SLC2A12: variants seen among roughly 807,000 people sequenced by gnomAD.
SLC2A12 encodes the protein solute carrier family 2, facilitated glucose transporter member 12.
SLC2A12 carries 23 observed loss-of-function variants against 41.8 expected under a neutral mutation model. The observed-to-expected ratio is 0.55, with a 90% CI of 0.40 to 0.78. The LOEUF is 0.78. Ranked by LOEUF, SLC2A12 falls within the 30% of genes least tolerant of loss-of-function variation. The pLI, the probability that SLC2A12 is intolerant of heterozygous loss-of-function variation, is 0.00. For missense variants in SLC2A12, 654 were observed against 745.6 expected (o/e 0.88, Z 1.43); for synonymous variants, 295 against 285.9 (o/e 1.03, Z -0.32).
intron 4 of SLC2A12, among the ~76,000 whole-genome samples, chr6:133,994,176 A>C (rs1193976041): frequency 1.3e-5 from 2 of 152,160 alleles, no homozygotes; most frequent in Non-Finnish European, 2.9e-5. Context: ...CTGAATGTGG[A>C]GTATGTGAGA....
At position 133,987,684 on chromosome 6, in the gene SLC2A12, G is replaced by A. The variant is rs1421046118; in HGVS notation, c.*3471C>T. On this transcript the variant is annotated 3_prime_UTR_variant, in exon 5 of 5. Transcript: ENST00000275230. ...TATATATATGCACCACATGTGTATA[G>A]TATCTTTTAATGCTCTGTTACCAAA... 1 of 141,056 alleles carries A rather than the reference G, an allele frequency of 7.1e-6. No homozygotes were observed. Among genetic ancestry groups the A allele is most frequent in the African/African-American group, 2.6e-5 (1 of 37,994 alleles). 8.7% of individuals were successfully genotyped at this position (141,056 alleles called of 1,614,324 possible).
chr6:134,006,234 A>T (rs966741294), intron 3 of SLC2A12, among the ~76,000 whole-genome samples: 4 of 151,414 alleles, frequency 2.6e-5, no homozygotes, highest in Non-Finnish European at 5.9e-5. Flanking sequence ...ACGTGACATG[A>T]CTATAATCAA....
At chr6:134,025,846 C>T (rs1284482982) in intron 2 of SLC2A12, among the ~76,000 whole-genome samples, 2 of 152,340 alleles carry the variant, frequency 1.3e-5, no homozygotes, top group Non-Finnish European at 1.5e-5. Flanking sequence ...CACTCCCAGC[C>T]TCCAGTAATT....
chr6:134,034,501 T>C lies in SLC2A12; in HGVS notation c.104-4780A>G, dbSNP rs147719258. On this transcript the variant is annotated intron_variant, in intron 1 of 4. Transcript: ENST00000275230. ...TGACTCTGATACTTCAAGACTTCCA[T>C]CACAGGAAGTTTTCCTGGTGCTACT... Among the ~76,000 whole-genome samples, 383 of 152,318 alleles carry C rather than the reference T, an allele frequency of 2.5e-3. 3 individuals are homozygous for C. Among genetic ancestry groups the C allele is most frequent in the African/African-American group, 7.0e-3 (292 of 41,580 alleles).
intron 1 of SLC2A12, among the ~76,000 whole-genome samples, chr6:134,044,608 G>A (rs538217190): frequency 4.3e-4 from 65 of 151,748 alleles, no homozygotes; most frequent in African/African-American, 1.6e-3. Context: ...CAGCTACTTG[G>A]GAGGCTGAGG....
chr6:134,032,405 A>AATATATATATATATATATATATATAT (rs1170558623), intron 1 of SLC2A12, among the ~76,000 whole-genome samples: 4 of 118,078 alleles, frequency 3.4e-5, no homozygotes, highest in African/African-American at 1.3e-4. Context: ...TACAGGGAGA[A>AATATATATATATATATATATATATAT]ATATATATAT....
intron 1 of SLC2A12, among the ~76,000 whole-genome samples, chr6:134,038,923 T>C (rs1045867124): frequency 5.9e-5 from 9 of 151,806 alleles, no homozygotes; most frequent in Non-Finnish European, 1.0e-4. Context: ...CAGGCTGGTC[T>C]TGGACTCCTG....
chr6:134,031,834 A>G (rs1777212749), intron 1 of SLC2A12, among the ~76,000 whole-genome samples: 1 of 152,242 alleles, frequency 6.6e-6, no homozygotes, highest in Non-Finnish European at 1.5e-5. Flanking sequence ...AGCCAGCAGC[A>G]CACATTTGGT....
chr6:134,032,412 ATATATATATATATT>A (rs1339363103), intron 1 of SLC2A12, among the ~76,000 whole-genome samples: 12 of 35,016 alleles, frequency 3.4e-4, no homozygotes, highest in Admixed American at 3.3e-3. Context: ...AGAAATATAT[ATATATATATATATT>A]TATATATATA....
chr6:134,021,099 T>TA (rs1777034521), intron 2 of SLC2A12, among the ~76,000 whole-genome samples: 1 of 152,206 alleles, frequency 6.6e-6, no homozygotes, highest in Admixed American at 6.5e-5. Flanking sequence ...AGATATTTTT[T>TA]AAAAATCATG....
At chr6:134,012,067 T>C (rs1441804532) in intron 2 of SLC2A12, among the ~76,000 whole-genome samples, 1 of 152,050 alleles carries the variant, frequency 6.6e-6, no homozygotes, top group Admixed American at 6.6e-5. Context: ...AATAAATAAA[T>C]AAACCCCACT....
At chr6:133,991,405 G>A (rs1246516276) in intron 4 of SLC2A12, 97 bp from the exon 5 acceptor site, 54 of 1,305,080 alleles carry the variant, frequency 4.1e-5, no homozygotes, top group African/African-American at 1.5e-5. Context: ...GGGCTTTAAT[G>A]TTTTAGCTAT....
intron 2 of SLC2A12, among the ~76,000 whole-genome samples, chr6:134,020,573 G>A (rs1440309797): frequency 1.3e-5 from 2 of 152,150 alleles, no homozygotes; most frequent in East Asian, 3.9e-4. Flanking sequence ...AAACTAAAAT[G>A]TGAATATGGA....
At chr6:134,010,581 G>T (rs1327763712) in intron 2 of SLC2A12, among the ~76,000 whole-genome samples, 1 of 152,166 alleles carries the variant, frequency 6.6e-6, no homozygotes, top group East Asian at 1.9e-4. Context: ...TGAAGGTCTT[G>T]TCTATGTTGC....
rs1776564391 is a variant in SLC2A12, at chr6:133,988,131, C to T, written c.*3024G>A. ...GCCACAGTGTAATTATCAAATAGCC[C>T]CACTTGAATTTGAAAGCCATTTTGT... is the stretch of plus-strand genomic sequence containing the variant. On this transcript the variant is annotated 3_prime_UTR_variant, in exon 5 of 5. Transcript: ENST00000275230. The T allele has an allele frequency of 6.6e-6, 1 of 152,120 alleles. No homozygotes were observed. 9.4% of individuals were successfully genotyped at this position (152,120 alleles called of 1,614,324 possible).
In SLC2A12 at chr6:134,001,949, C is replaced by T. The variant is rs200189910; in HGVS notation, c.1700+48G>A. 95 of 1,581,272 alleles carry T rather than the reference C, an allele frequency of 6.0e-5. No homozygotes were observed. In the African/African-American group the frequency reaches 1.2e-3, roughly 19 times the overall value. On this transcript the variant is annotated intron_variant, in intron 4 of 4. Transcript: ENST00000275230. ...TCCTTTGCTGTATATAAAAGCTGCACTTTTGACCAAAGAGTATTGTTCAGA... is the reference window on the plus strand; with the variant it reads ...TCCTTTGCTGTATATAAAAGCTGCATTTTTGACCAAAGAGTATTGTTCAGA...
chr6:134,034,219 G>C (rs1777262000), intron 1 of SLC2A12, among the ~76,000 whole-genome samples: 1 of 152,096 alleles, frequency 6.6e-6, no homozygotes, highest in Non-Finnish European at 1.5e-5. Flanking sequence ...CCTTGTACAA[G>C]ATCATTCTAG....
At chr6:134,021,789 T>C (rs1777043784) in intron 2 of SLC2A12, among the ~76,000 whole-genome samples, 1 of 152,124 alleles carries the variant, frequency 6.6e-6, no homozygotes, top group African/African-American at 2.4e-5. Context: ...TTCATACAAA[T>C]AAAGACCTCT....
chr6:134,005,737 C>A (rs1015350071), intron 3 of SLC2A12, among the ~76,000 whole-genome samples: 2 of 142,560 alleles, frequency 1.4e-5, no homozygotes, highest in African/African-American at 5.2e-5. Flanking sequence ...TTGATGAGAT[C>A]CCTTTTGAAA....
Sources: gnomAD v4.1 joint callset for allele counts (sites outside exome capture counted in the v4.1 genomes callset) on GRCh38, gnomAD v4.1.1 for gene constraint, MANE v1.5 for transcripts, NCBI Gene and HGNC (gene_info 2026-07-23, HGNC 2026-07-21) for gene names.